Variants in EFCAB5 observed in about 807,000 individuals in gnomAD.
EFCAB5 encodes the protein EF-hand calcium-binding domain-containing protein 5.
In EFCAB5, 131 loss-of-function variants were observed where a neutral mutation model predicts 167.9. The observed-to-expected ratio is 0.78, with a 90% CI of 0.68 to 0.90. The LOEUF is 0.90. Ranked by LOEUF, EFCAB5 falls within the 40% of genes least tolerant of loss-of-function variation. The probability of loss-of-function intolerance (pLI) is 0.00; values close to 1 mark genes in which losing one functional copy is unlikely to be tolerated. For synonymous variants in EFCAB5, 574 were observed against 602.8 expected (o/e 0.95, Z 0.70); for missense variants, 1,663 against 1,745.2 (o/e 0.95, Z 0.84).
At position 30,108,230 on chromosome 17, in the gene EFCAB5, C is replaced by A; in HGVS notation, c.*206C>A. On this transcript the variant is annotated 3_prime_UTR_variant, in exon 23 of 23. Transcript: ENST00000394835. ...AATACCCAGCTAAGGTAGCCATAGCCAAGTGTATTTAAGTATGTTATAGAA... is the reference window on the plus strand; with the variant it reads ...AATACCCAGCTAAGGTAGCCATAGCAAAGTGTATTTAAGTATGTTATAGAA... 1 of 473,242 alleles carries A rather than the reference C, an allele frequency of 2.1e-6. No homozygotes were observed. The highest frequency in any genetic ancestry group is 3.7e-6 in the Non-Finnish European group (1 of 273,298). The allele number at this position is 473,242 out of a possible 1,614,324, so 29.3% of individuals were successfully genotyped here.
At chr17:30,007,492 T>C (rs575157839) in intron 7 of EFCAB5, among the ~76,000 whole-genome samples, 12 of 152,312 alleles carry the variant, frequency 7.9e-5, no homozygotes, top group African/African-American at 2.9e-4. Context: ...TTACACAAAC[T>C]ATTATTAAGA....
At position 30,053,378 on chromosome 17, in the gene EFCAB5, A is replaced by G. The variant is rs774799259; in HGVS notation, c.1424A>G (p.Asn475Ser). Residue 475 changes from asparagine to serine, a missense_variant, in exon 10 of 23, where the codon AAT (asparagine) becomes AGT (serine). By Grantham distance (46) the Asn-to-Ser change is conservative. Transcript: ENST00000394835. ...LLEMNTLLSA[N>S]HASKTQSKLL... is the part of the protein sequence containing the mutation. ...GAGATGAATACATTACTTTCTGCAA[A>G]TCATGCTAGCAAAACCCAAAGTAAA... 5 of 1,614,028 alleles carry G rather than the reference A, an allele frequency of 3.1e-6. No individual in the cohort carries two copies. The East Asian group carries it at 1.1e-4, about 36-fold the overall frequency.
At chr17:30,073,106 A>T in intron 14 of EFCAB5, 1 of 686,138 alleles carries the variant, frequency 1.5e-6, no homozygotes, top group South Asian at 1.5e-5. Context: ...GCCAGGCTGG[A>T]GTGCAGTGGC....
chr17:29,943,466 T>G, intron 2 of EFCAB5, 99 bp from the exon 3 acceptor site: 1 of 1,059,896 alleles, frequency 9.4e-7, no homozygotes, highest in Non-Finnish European at 1.3e-6. Flanking sequence ...TGGTTAACTC[T>G]TACAAAGCAA....
At chr17:30,082,788 C>T in intron 17 of EFCAB5, 103 bp from the exon 18 acceptor site, 1 of 1,184,802 alleles carries the variant, frequency 8.4e-7, no homozygotes, top group South Asian at 1.8e-5. Context: ...AGTAGATTAT[C>T]ATGAAGTAAT....
chr17:30,063,114 T>C (rs1180437531), intron 14 of EFCAB5, among the ~76,000 whole-genome samples: 1 of 152,120 alleles, frequency 6.6e-6, no homozygotes, highest in East Asian at 1.9e-4. Flanking sequence ...CAAACAACTC[T>C]AGTACCTGGC....
At chr17:30,064,873 C>G (rs1454005256) in intron 14 of EFCAB5, among the ~76,000 whole-genome samples, 1 of 152,016 alleles carries the variant, frequency 6.6e-6, no homozygotes, top group African/African-American at 2.4e-5. Flanking sequence ...GATTTTGTTG[C>G]AGAAATCTTA....
chr17:29,984,170 TG>T (rs1414828868), intron 4 of EFCAB5, among the ~76,000 whole-genome samples: 2 of 150,836 alleles, frequency 1.3e-5, no homozygotes, highest in Non-Finnish European at 2.9e-5. Flanking sequence ...AAGAGCTGGG[TG>T]AAAAACACAG....
intron 7 of EFCAB5, among the ~76,000 whole-genome samples, chr17:30,022,809 A>G (rs867319702): frequency 6.6e-6 from 1 of 152,242 alleles, no homozygotes; most frequent in Non-Finnish European, 1.5e-5. Flanking sequence ...ATGTAAAAGA[A>G]CAGAAATTAT....
At position 30,092,050 on chromosome 17, in the gene EFCAB5, G is replaced by T; in HGVS notation, c.4117G>T (p.Glu1373Ter). The T allele has an allele frequency of 6.2e-7, 1 of 1,613,952 alleles. No homozygotes were observed. The highest frequency in any genetic ancestry group is 1.3e-5 in the African/African-American group (1 of 75,018). The change falls in exon 21 of 23, where the codon GAA (glutamate) becomes TAA (stop). Residue 1373 changes from glutamate to a stop codon, truncating the protein, a stop_gained. Coordinates refer to ENST00000394835, the MANE Select transcript of EFCAB5 (RefSeq NM_198529.4). LOFTEE classifies it high-confidence loss of function. ...SPQDSKSMELEANVKLVRDIL... is the reference protein window; with the variant it reads ...SPQDSKSMEL ...TCAAGACAGCAAATCTATGGAGTTG[G>T]AAGCCAACGTGAAACTAGTGCGTGA...
chr17:30,092,442 C>T (rs974335118), intron 21 of EFCAB5, among the ~76,000 whole-genome samples: 7 of 152,048 alleles, frequency 4.6e-5, no homozygotes, highest in Non-Finnish European at 7.4e-5. Context: ...GGCTGGAGTG[C>T]GATGGCGCTA....
At chr17:30,042,283 A>G (rs2069795672) in intron 8 of EFCAB5, among the ~76,000 whole-genome samples, 1 of 152,214 alleles carries the variant, frequency 6.6e-6, no homozygotes, top group African/African-American at 2.4e-5. Flanking sequence ...TGCTGGGATT[A>G]CAGGTGTGAG....
intron 14 of EFCAB5, 105 bp from the exon 15 acceptor site, chr17:30,078,110 A>G (rs1483767123): frequency 3.2e-6 from 4 of 1,254,516 alleles, no homozygotes; most frequent in Non-Finnish European, 4.3e-6. Context: ...TTTCCAGGAG[A>G]GCAGTTGCCC....
chr17:29,966,352 T>G (rs2067826420), intron 3 of EFCAB5, among the ~76,000 whole-genome samples: 1 of 152,206 alleles, frequency 6.6e-6, no homozygotes, highest in African/African-American at 2.4e-5. Flanking sequence ...CTGGATTGGC[T>G]GGGCATGGTG....
At chr17:30,008,379 G>A (rs2068819624) in intron 7 of EFCAB5, among the ~76,000 whole-genome samples, 1 of 152,138 alleles carries the variant, frequency 6.6e-6, no homozygotes, top group Non-Finnish European at 1.5e-5. Flanking sequence ...GACCGTTGGA[G>A]GTCAAGAGTT....
intron 8 of EFCAB5, among the ~76,000 whole-genome samples, chr17:30,038,183 C>A (rs2069675363): frequency 6.6e-6 from 1 of 152,162 alleles, no homozygotes; most frequent in African/African-American, 2.4e-5. Flanking sequence ...GAAGTCAATG[C>A]CTGGCTTCAA....
intron 14 of EFCAB5, among the ~76,000 whole-genome samples, chr17:30,075,740 C>A (rs956772099): frequency 6.6e-6 from 1 of 152,222 alleles, no homozygotes; most frequent in African/African-American, 2.4e-5. Flanking sequence ...CAGGCTCTGA[C>A]AACCCATGCC....
chr17:30,075,484 A>G (rs1244814785), intron 14 of EFCAB5, among the ~76,000 whole-genome samples: 2 of 151,668 alleles, frequency 1.3e-5, no homozygotes, highest in African/African-American at 2.4e-5. Context: ...TGGCCCTTCC[A>G]TGTAGACACC....
intron 7 of EFCAB5, among the ~76,000 whole-genome samples, chr17:30,005,394 A>T (rs1347686860): frequency 1.3e-5 from 2 of 152,126 alleles, no homozygotes; most frequent in African/African-American, 2.4e-5. Flanking sequence ...TATCTTTGAG[A>T]TTTCTGGTGA....
Sources: allele counts gnomAD v4.1 joint callset (sites outside exome capture counted in the v4.1 genomes callset), GRCh38; gene constraint gnomAD v4.1.1; transcripts MANE v1.5; gene names NCBI Gene and HGNC (gene_info 2026-07-23, HGNC 2026-07-21).